ZNF280D: variants seen among roughly 807,000 people sequenced by gnomAD.
ZNF280D encodes the protein suppressor of hairy wing homolog 4.
In ZNF280D, 39 loss-of-function variants were observed where a neutral mutation model predicts 94.7. That is an observed-to-expected ratio of 0.41 (90% CI 0.32 to 0.54). The LOEUF (loss-of-function observed/expected upper bound fraction) is 0.54. Ranked by LOEUF, ZNF280D falls within the 20% of genes least tolerant of loss-of-function variation. The pLI, the probability that ZNF280D is intolerant of heterozygous loss-of-function variation, is 0.22. For missense variants in ZNF280D, 1,090 were observed against 1,149.3 expected, an observed-to-expected ratio of 0.95 and a Z score of 0.75; for synonymous variants, 398 against 377.6, an observed-to-expected ratio of 1.05 and a Z score of -0.63.
At chr15:56,722,102 G>C (rs1316306165) in intron 1 of ZNF280D, among the ~76,000 whole-genome samples, 2 of 152,124 alleles carry the variant, frequency 1.3e-5, no homozygotes, top group African/African-American at 4.8e-5. Flanking sequence ...AGGAAACTAG[G>C]GAAGAGCTGG....
chr15:56,665,417 A>G lies in ZNF280D; in HGVS notation c.1994+978T>C, dbSNP rs117970991. Among the ~76,000 whole-genome samples the G allele has an allele frequency of 2.7e-4, 41 of 152,322 alleles. No individual in the cohort carries two copies. The East Asian group carries it at 7.1e-3, about 27-fold the overall frequency. On this transcript the variant is annotated intron_variant, in intron 16 of 21. Transcript: ENST00000267807. ...CTAATGAGATCTAAAAATGAAAATA[A>G]TGCAGACTCTGAAGGCTTTTCCTAA...
intron 1 of ZNF280D, among the ~76,000 whole-genome samples, chr15:56,713,084 T>C (rs908613774): frequency 1.3e-5 from 2 of 152,164 alleles, no homozygotes; most frequent in Non-Finnish European, 2.9e-5. Context: ...AAATTCAAGA[T>C]ATAAAATCAA....
chr15:56,643,336 T>C (rs1050394107), intron 19 of ZNF280D, among the ~76,000 whole-genome samples: 1 of 151,738 alleles, frequency 6.6e-6, no homozygotes, highest in East Asian at 1.9e-4. Context: ...GAATTACTCT[T>C]TAAAAATTAA....
chr15:56,711,868 C>A (rs2057776884), intron 1 of ZNF280D, among the ~76,000 whole-genome samples: 1 of 152,130 alleles, frequency 6.6e-6, no homozygotes, highest in Admixed American at 6.5e-5. Flanking sequence ...GATGGTATTG[C>A]CTACTACACA....
At chr15:56,650,798 A>G (rs2053163054) in intron 19 of ZNF280D, among the ~76,000 whole-genome samples, 1 of 152,158 alleles carries the variant, frequency 6.6e-6, no homozygotes, top group African/African-American at 2.4e-5. Flanking sequence ...ATATACAAGA[A>G]AACAGAGGAG....
rs1338486582 is a variant in ZNF280D, at chr15:56,677,614, T to C, written c.1223A>G (p.Lys408Arg). The C allele has an allele frequency of 3.7e-6, 6 of 1,610,168 alleles. No homozygotes were observed. The highest frequency in any genetic ancestry group is 1.3e-5 in the African/African-American group (1 of 74,694). Residue 408 changes from lysine (K) to arginine (R), a missense_variant, in exon 12 of 22, where the codon AAG becomes AGG. This residue lies in a region of ZNF280D where 127 missense variants were observed against 208.6 expected (regional missense o/e 0.61). Coordinates refer to ENST00000267807, the MANE Select transcript of ZNF280D (RefSeq NM_017661.4). ...CATTTCACCAGGTTTATGATTGTCC[T>C]TCATATGTTGTAAAAGAACATGTTC... ...ETEHVLLQHM[K>R]DNHKPGEMPY...
rs2053418927 is a variant in ZNF280D at position 56,654,602 on chromosome 15, A to G, written c.2058-99T>C. 4.4e-5 allele frequency: 44 copies of G among 1,009,062 alleles called. 1 individual carries two copies. In the South Asian group the frequency reaches 6.4e-4, roughly 15 times the overall value. The allele number at this position is 1,009,062 out of a possible 1,614,324, so 62.5% of individuals were successfully genotyped here. A position where few individuals can be genotyped will look rare whatever the true frequency, so the allele number is the denominator to read the frequency against. Reference sequence around the variant, plus strand: ...CCATAATTTGCTTTTTGTGCCATACATAACTATAACTTCCCATTTTTGTTA... The same window carrying G: ...CCATAATTTGCTTTTTGTGCCATACGTAACTATAACTTCCCATTTTTGTTA... On this transcript the variant is annotated intron_variant, in intron 17 of 21. Transcript: ENST00000267807.
chr15:56,663,281 C>A (rs374628281), intron 16 of ZNF280D, among the ~76,000 whole-genome samples: 426 of 102,362 alleles, frequency 4.2e-3, no homozygotes, highest in Non-Finnish European at 4.6e-3. Flanking sequence ...GACCCTTTCT[C>A]AAAAAAAAAA....
intron 1 of ZNF280D, among the ~76,000 whole-genome samples, chr15:56,722,995 G>A (rs546193355): frequency 1.3e-5 from 2 of 148,488 alleles, no homozygotes; most frequent in African/African-American, 2.5e-5. Context: ...ACCAAACACC[G>A]CATATTCTCA....
chr15:56,654,047 C>A, intron 19 of ZNF280D, 151 bp downstream of exon 19: 1 of 1,492,660 alleles, frequency 6.7e-7, no homozygotes, highest in Non-Finnish European at 8.9e-7. Flanking sequence ...CTCCATAGAG[C>A]AGGAACCTAT....
At chr15:56,680,023 T>C (rs2055512775) in intron 10 of ZNF280D, among the ~76,000 whole-genome samples, 1 of 152,230 alleles carries the variant, frequency 6.6e-6, no homozygotes, top group Non-Finnish European at 1.5e-5. Flanking sequence ...CAATTCGCTT[T>C]TTCCCAATTA....
In ZNF280D at chr15:56,707,081, C is replaced by G. The variant is rs1168316709; in HGVS notation, c.28+1G>C. 1 of 1,613,762 alleles carries G rather than the reference C, an allele frequency of 6.2e-7. No homozygotes were observed. The highest frequency in any genetic ancestry group is 1.3e-5 in the African/African-American group (1 of 74,900). ...GTATTAGTTGTGGCAGCAACACTTA[C>G]TTTTTGGTTGAAAAGGGTTGTCGCC... is the stretch of plus-strand genomic sequence containing the variant. On this transcript the variant is annotated splice_donor_variant, in intron 3 of 21. Coordinates refer to ENST00000267807, the MANE Select transcript of ZNF280D (RefSeq NM_017661.4). LOFTEE classifies it high-confidence loss of function.
chr15:56,654,829 G>C, intron 17 of ZNF280D: 1 of 470,734 alleles, frequency 2.1e-6, no homozygotes, highest in South Asian at 1.5e-5. Context: ...CATTCTATTT[G>C]TCCTCCCACG....
rs1300953181 is a variant in ZNF280D at position 56,689,295 on chromosome 15, T to C, written c.670+5A>G. 5.0e-6 allele frequency: 8 copies of C among 1,592,058 alleles called. No individual in the cohort carries two copies. The highest frequency in any genetic ancestry group is 6.8e-6 in the Non-Finnish European group (8 of 1,173,462). On this transcript the variant is annotated splice_donor_5th_base_variant and intron_variant, in intron 8 of 21. Coordinates refer to ENST00000267807, the MANE Select transcript of ZNF280D (RefSeq NM_017661.4). ...TTCTTTTTATGTACCACATTTCATA[T>C]TTACCTTTTGCTAGCATAGCCTGGG...
At chr15:56,673,619 C>T (rs1028195173) in intron 13 of ZNF280D, among the ~76,000 whole-genome samples, 1 of 152,000 alleles carries the variant, frequency 6.6e-6, no homozygotes, top group Admixed American at 6.6e-5. Context: ...TTAAAAATGT[C>T]TAGTGCCTTT....
At chr15:56,658,368 A>C in intron 17 of ZNF280D, 56 bp downstream of exon 17, 2 of 1,364,828 alleles carry the variant, frequency 1.5e-6, no homozygotes, top group Non-Finnish European at 1.0e-6. Flanking sequence ...TGTTAAAAAA[A>C]ATTTAAGTCA....
intron 6 of ZNF280D, among the ~76,000 whole-genome samples, chr15:56,693,669 A>G: frequency 6.6e-6 from 1 of 152,166 alleles, no homozygotes; most frequent in Admixed American, 6.5e-5. Context: ...GGAGAAAAAA[A>G]AAACCATATT....
Position 56,725,751 on chromosome 15 carries a change from G to A in ZNF280D, c.-86+7707C>T, listed in dbSNP as rs1016858520. Among the ~76,000 whole-genome samples, 5 of 151,832 alleles carry A rather than the reference G, an allele frequency of 3.3e-5. No homozygotes were observed. The South Asian group carries it at 1.0e-3, about 32-fold the overall frequency. On this transcript the variant is annotated intron_variant, in intron 1 of 21. Transcript: ENST00000267807. ...TACTATGCTAGCTGGTCAAAAATTT[G>A]TAAGTTACATACCAATCCAAAAAGT...
intron 19 of ZNF280D, among the ~76,000 whole-genome samples, chr15:56,646,280 T>C (rs1188839934): frequency 6.6e-6 from 1 of 151,748 alleles, no homozygotes; most frequent in African/African-American, 2.4e-5. Flanking sequence ...TTTAAAAAAT[T>C]AGCCAGACAT....
Sources: allele counts gnomAD v4.1 joint callset (sites outside exome capture counted in the v4.1 genomes callset), GRCh38; gene constraint gnomAD v4.1.1; regional missense constraint gnomAD v4.1.1; transcripts MANE v1.5; gene names NCBI Gene and HGNC (gene_info 2026-07-23, HGNC 2026-07-21).